Variants in DLGAP2 observed in about 807,000 individuals in gnomAD.
DLGAP2 encodes the protein disks large-associated protein 2.
Under a neutral mutation model 100.3 loss-of-function variants are expected in DLGAP2, and 26 were observed. The ratio of observed to expected loss-of-function variants is 0.26; its 90% CI spans 0.19 to 0.36. DLGAP2 has a LOEUF of 0.36. DLGAP2 is among the 10% of genes least tolerant of loss of function. The pLI is 1.00. For missense variants in DLGAP2, 1,858 were observed against 1,453.2 expected (o/e 1.28, Z -4.53); for synonymous variants, 886 against 630.1 (o/e 1.41, Z -6.08).
At chr8:1,115,244 C>T (rs1805080878) in intron 2 of DLGAP2, among the ~76,000 whole-genome samples, 1 of 152,212 alleles carries the variant, frequency 6.6e-6, no homozygotes, top group African/African-American at 2.4e-5. Flanking sequence ...TGAATATCTT[C>T]ATTAATTCTC....
chr8:1,085,231 T>C (rs993501700), intron 2 of DLGAP2, among the ~76,000 whole-genome samples: 4 of 152,202 alleles, frequency 2.6e-5, no homozygotes, highest in Non-Finnish European at 4.4e-5. Context: ...TTCTATAGAG[T>C]TGTTTGAGTT....
intron 3 of DLGAP2, among the ~76,000 whole-genome samples, chr8:1,457,975 C>CATATAT (rs57897392): frequency 0.053 from 5,660 of 106,844 alleles, 205 homozygotes; most frequent in Non-Finnish European, 0.064. Flanking sequence ...GTTCTCTGAT[C>CATATAT]ATATATATAT....
chr8:879,581 G>A (rs568358749), intron 1 of DLGAP2, among the ~76,000 whole-genome samples: 7 of 152,154 alleles, frequency 4.6e-5, no homozygotes, highest in East Asian at 3.9e-4. Context: ...CCATCTCCCC[G>A]TTGTCTTCAT....
chr8:1,230,806 T>A (rs1189432915), intron 2 of DLGAP2, among the ~76,000 whole-genome samples: 1 of 152,230 alleles, frequency 6.6e-6, no homozygotes, highest in Non-Finnish European at 1.5e-5. Flanking sequence ...GCTAGCCTTA[T>A]GCAAAGAATG....
chr8:1,613,898 G>T (rs566897692), intron 6 of DLGAP2, among the ~76,000 whole-genome samples: 8 of 152,326 alleles, frequency 5.3e-5, no homozygotes, highest in African/African-American at 1.9e-4. Flanking sequence ...CCTCAAAAAT[G>T]TTGAATGCCA....
intron 8 of DLGAP2, among the ~76,000 whole-genome samples, chr8:1,655,465 A>C (rs1471449075): frequency 6.6e-6 from 1 of 152,116 alleles, no homozygotes; most frequent in African/African-American, 2.4e-5. Context: ...CATTCAAGGG[A>C]TATTTTATCT....
At chr8:1,355,331 T>A (rs114770413) in intron 3 of DLGAP2, among the ~76,000 whole-genome samples, 4,762 of 152,158 alleles carry the variant, frequency 0.031, 181 homozygotes, top group African/African-American at 0.087. Context: ...GAGATTGTTT[T>A]TGTTTTTTTA....
intron 5 of DLGAP2, among the ~76,000 whole-genome samples, chr8:1,552,527 G>C (rs1450606586): frequency 6.6e-6 from 1 of 152,214 alleles, no homozygotes; most frequent in African/African-American, 2.4e-5. Context: ...CATTTTCAAA[G>C]ATGCCTGTGC....
intron 3 of DLGAP2, among the ~76,000 whole-genome samples, chr8:1,436,961 C>T (rs1797651109): frequency 6.6e-6 from 1 of 152,258 alleles, no homozygotes. Flanking sequence ...TGTGCAGGTG[C>T]AGCCTGGGAG....
Position 1,010,469 on chromosome 8 carries a change from CAT to C in DLGAP2, c.73+102504_73+102505del, listed in dbSNP as rs1314987753. On this transcript the variant is annotated intron_variant, in intron 2 of 14. Transcript: ENST00000637795. ...TCATATTCTCACATATGTGTGCACA[CAT>C]GTGCACTCTAAAATACTACACATTA... is the stretch of plus-strand genomic sequence containing the variant. Among the ~76,000 whole-genome samples the C allele has an allele frequency of 4.6e-4, 70 of 152,358 alleles. 1 individual carries two copies. The highest frequency in any genetic ancestry group is 1.5e-3 in the African/African-American group (64 of 41,590).
Position 814,406 on chromosome 8 carries a change from C to G in DLGAP2, c.18+76581C>G, listed in dbSNP as rs529529188. Among the ~76,000 whole-genome samples the G allele has an allele frequency of 5.9e-5, 9 of 152,210 alleles. No individual in the cohort carries two copies. In the South Asian group the frequency reaches 1.9e-3, roughly 32 times the overall value. On this transcript the variant is annotated intron_variant, in intron 1 of 14. Transcript: ENST00000637795. ...CTTACAAATAGCATATGAAGTAAGT[C>G]TTATTATTTTCATGTGCCCATTAGG...
intron 3 of DLGAP2, among the ~76,000 whole-genome samples, chr8:1,465,864 C>T (rs563763838): frequency 6.6e-6 from 1 of 152,168 alleles, no homozygotes; most frequent in Admixed American, 6.6e-5. Context: ...TTGGGACTCA[C>T]AATGAGAAAG....
intron 2 of DLGAP2, among the ~76,000 whole-genome samples, chr8:1,224,543 GA>G (rs202229329): frequency 0.025 from 3,749 of 151,796 alleles, 87 homozygotes; most frequent in East Asian, 0.099. Flanking sequence ...AAAAATGATA[GA>G]AAAAAATCAA....
intron 1 of DLGAP2, among the ~76,000 whole-genome samples, chr8:789,881 T>A (rs1821981659): frequency 6.6e-6 from 1 of 152,196 alleles, no homozygotes; most frequent in Non-Finnish European, 1.5e-5. Context: ...TCAAAGCAGC[T>A]GGAGACATGA....
chr8:1,426,594 C>A (rs1797241801), intron 3 of DLGAP2, among the ~76,000 whole-genome samples: 1 of 152,158 alleles, frequency 6.6e-6, no homozygotes, highest in African/African-American at 2.4e-5. Context: ...GAAAAATCCC[C>A]AACCTGGACA....
intron 1 of DLGAP2, among the ~76,000 whole-genome samples, chr8:843,352 C>T (rs1411954307): frequency 6.6e-6 from 1 of 152,216 alleles, no homozygotes; most frequent in Non-Finnish European, 1.5e-5. Context: ...GAGAGCCTTT[C>T]CTGGAAGGGC....
intron 3 of DLGAP2, among the ~76,000 whole-genome samples, chr8:1,486,696 C>T (rs1406745603): frequency 6.6e-6 from 1 of 152,136 alleles, no homozygotes; most frequent in Admixed American, 6.5e-5. Flanking sequence ...CGTTTCATGC[C>T]AAATGGGATG....
chr8:895,762 G>A (rs1362551191), intron 1 of DLGAP2, among the ~76,000 whole-genome samples: 4 of 152,116 alleles, frequency 2.6e-5, no homozygotes, highest in African/African-American at 9.7e-5. Flanking sequence ...AGGTCGGTGT[G>A]GGGCAGTGGT....
intron 3 of DLGAP2, among the ~76,000 whole-genome samples, chr8:1,312,704 ATAAAAT>A (rs1800640886): frequency 6.6e-6 from 1 of 152,268 alleles, no homozygotes; most frequent in Non-Finnish European, 1.5e-5. Context: ...TTTACAAAAA[ATAAAAT>A]TAAATGCACA....
Sources: gnomAD v4.1 joint callset for allele counts (sites outside exome capture counted in the v4.1 genomes callset) on GRCh38, gnomAD v4.1.1 for gene constraint, MANE v1.5 for transcripts, NCBI Gene and HGNC (gene_info 2026-07-23, HGNC 2026-07-21) for gene names.